The following RFFL variants were observed in gnomAD, a reference collection of about 807,000 sequenced individuals.
RFFL encodes the protein ring finger and FYVE like domain containing E3 ubiquitin protein ligase.
RFFL carries 16 observed loss-of-function variants against 40.4 expected under a neutral mutation model. The observed-to-expected ratio is 0.40, with a 90% CI of 0.27 to 0.60. The LOEUF is 0.60. Among genes scored for constraint, RFFL ranks in the 20% least tolerant of loss-of-function variants. RFFL has a pLI of 0.47. For synonymous variants in RFFL, 154 were observed against 167.9 expected (o/e 0.92, Z 0.64); for missense variants, 367 against 451.7 (o/e 0.81, Z 1.70).
chr17:35,037,235 G>A (rs1010521611), intron 1 of RFFL, among the ~76,000 whole-genome samples: 4 of 152,192 alleles, frequency 2.6e-5, no homozygotes, highest in Middle Eastern at 3.2e-3. Flanking sequence ...ACAGAATCAT[G>A]TCCAGTTTAT....
chr17:35,027,750 G>A (rs1191898273), intron 1 of RFFL, among the ~76,000 whole-genome samples: 1 of 146,636 alleles, frequency 6.8e-6, no homozygotes, highest in Non-Finnish European at 1.5e-5. Flanking sequence ...AAAAAGTGTT[G>A]GGCCAGGTGC....
rs543083857 is a variant in RFFL at position 35,073,128 on chromosome 17, A to G, written c.-9+15977T>C. ...AGGCAAAATGTTTATAAAGTATAGC[A>G]TGTTTCATACTATTTTGCAGTCTCT... On this transcript the variant is annotated intron_variant, in intron 1 of 6. Transcript: ENST00000315249. Among the ~76,000 whole-genome samples, 15 of 152,252 alleles carry G rather than the reference A, an allele frequency of 9.9e-5. No individual in the cohort carries two copies. The East Asian group carries it at 2.9e-3, about 29-fold the overall frequency.
Position 35,038,985 on chromosome 17 carries a change from T to C in RFFL, c.-8-12424A>G, listed in dbSNP as rs935947369. 4.6e-5 allele frequency among the ~76,000 whole-genome samples: 7 copies of C among 152,334 alleles called. No individual in the cohort carries two copies. In the East Asian group the frequency reaches 5.8e-4, roughly 13 times the overall value. On this transcript the variant is annotated intron_variant, in intron 1 of 6. Coordinates refer to ENST00000394597, the MANE Select transcript of RFFL (RefSeq NM_001017368.2). ...GTGCAGTGTTGCGACCATGGCTCAC[T>C]GTAACCTGGACCTCCCAGGCTTACG...
chr17:35,036,094 A>G (rs954163006), intron 1 of RFFL, among the ~76,000 whole-genome samples: 3 of 152,184 alleles, frequency 2.0e-5, no homozygotes, highest in African/African-American at 4.8e-5. Flanking sequence ...CCCTAACCCT[A>G]AATAACAACT....
intron 1 of RFFL, among the ~76,000 whole-genome samples, chr17:35,035,360 A>T (rs1380693662): frequency 6.6e-6 from 1 of 151,484 alleles, no homozygotes; most frequent in Non-Finnish European, 1.5e-5. Flanking sequence ...AGTGAGCTGA[A>T]ATTGCACCAC....
intron 1 of RFFL, among the ~76,000 whole-genome samples, chr17:35,049,164 G>T (rs1442752501): frequency 6.6e-6 from 1 of 152,150 alleles, no homozygotes; most frequent in African/African-American, 2.4e-5. Flanking sequence ...ATAGCAGAAA[G>T]GCATGTTGTT....
chr17:35,026,315 G>A, intron 2 of RFFL, 59 bp downstream of exon 2: 1 of 1,551,646 alleles, frequency 6.4e-7, no homozygotes, highest in Non-Finnish European at 8.8e-7. Flanking sequence ...GGGGTCAGTG[G>A]CGCTTGCCCA....
chr17:35,009,491 G>T lies in RFFL; in HGVS notation c.*2477C>A, dbSNP rs901907018. ...TGAGGGGCAGAAGGGAGGATTCAAAGATTTAAAAAAAATCAAATTTTAGAC... is the reference window on the plus strand; with the variant it reads ...TGAGGGGCAGAAGGGAGGATTCAAATATTTAAAAAAAATCAAATTTTAGAC... On this transcript the variant is annotated 3_prime_UTR_variant, in exon 7 of 7. Coordinates refer to ENST00000394597, the MANE Select transcript of RFFL (RefSeq NM_001017368.2). 1.3e-5 allele frequency: 2 copies of T among 150,388 alleles called. No homozygotes were observed. The highest frequency in any genetic ancestry group is 2.1e-4 in the South Asian group (1 of 4,774). 9.3% of individuals were successfully genotyped at this position (150,388 alleles called of 1,614,324 possible). A position where few individuals can be genotyped will look rare whatever the true frequency, so the allele number is the denominator to read the frequency against.
intron 1 of RFFL, among the ~76,000 whole-genome samples, chr17:35,074,976 T>C (rs896427867): frequency 1.3e-5 from 2 of 152,176 alleles, no homozygotes; most frequent in South Asian, 2.1e-4. Flanking sequence ...ACAATTTCAA[T>C]AGGAAAGGGG....
At chr17:35,059,411 G>A (rs2091279671) in intron 1 of RFFL, among the ~76,000 whole-genome samples, 1 of 152,154 alleles carries the variant, frequency 6.6e-6, no homozygotes, top group Non-Finnish European at 1.5e-5. Flanking sequence ...CAAAGGTACA[G>A]ACATGTGCAG....
intron 1 of RFFL, among the ~76,000 whole-genome samples, chr17:35,078,421 G>A (rs924102742): frequency 3.9e-5 from 6 of 152,168 alleles, no homozygotes; most frequent in African/African-American, 1.4e-4. Flanking sequence ...TCCCAACTCA[G>A]ACTCCTGAGT....
chr17:35,066,072 G>A (rs755814912), upstream of RFFL, among the ~76,000 whole-genome samples: 3 of 152,162 alleles, frequency 2.0e-5, no homozygotes, highest in Non-Finnish European at 4.4e-5. Context: ...TTGCAGAGCC[G>A]AGATTGCGCC....
upstream of RFFL, among the ~76,000 whole-genome samples, chr17:35,065,697 T>C (rs533895122): frequency 1.1e-4 from 17 of 151,994 alleles, no homozygotes; most frequent in Non-Finnish European, 2.4e-4. Flanking sequence ...ATTGAGCAAG[T>C]GAACAGAGCT....
rs183121329 is a variant in RFFL, at chr17:35,041,846, G to A, written c.-8-15285C>T. ...AGCCTAGACAACATGGTGAAACCCC[G>A]TCTCTACTAAAAACACAAAAATTAG... On this transcript the variant is annotated intron_variant, in intron 1 of 6. Coordinates refer to ENST00000394597, the MANE Select transcript of RFFL (RefSeq NM_001017368.2). Among the ~76,000 whole-genome samples, 93 of 152,018 alleles carry A rather than the reference G, an allele frequency of 6.1e-4. 3 individuals carry two copies. In the East Asian group the frequency reaches 9.5e-3, roughly 15 times the overall value.
rs1446740397 is a variant in RFFL, at chr17:35,008,327, T to G, written c.*3641A>C. On this transcript the variant is annotated 3_prime_UTR_variant, in exon 7 of 7. Coordinates refer to ENST00000394597, the MANE Select transcript of RFFL (RefSeq NM_001017368.2). Reference sequence around the variant, plus strand: ...ACATTTGTGGTCTTGAGCAAGTTAGTTAGTTACAACAACACTGAGCATCTT... The same window carrying G: ...ACATTTGTGGTCTTGAGCAAGTTAGGTAGTTACAACAACACTGAGCATCTT... 1 of 152,236 alleles carries G rather than the reference T, an allele frequency of 6.6e-6. No individual in the cohort carries two copies. Among genetic ancestry groups the G allele is most frequent in the Non-Finnish European group, 1.5e-5 (1 of 68,054 alleles). 9.4% of individuals were successfully genotyped at this position (152,236 alleles called of 1,614,324 possible).
rs539480861 is a variant in RFFL, at chr17:35,054,532, A to C, written c.-9+9044T>G. 4.6e-5 allele frequency among the ~76,000 whole-genome samples: 7 copies of C among 152,178 alleles called. No individual in the cohort carries two copies. The South Asian group carries it at 1.5e-3, about 32-fold the overall frequency. On this transcript the variant is annotated intron_variant, in intron 1 of 6. Transcript: ENST00000394597. ...TTACTGAACTCTTACTCTATCTTTTATCTTCCCCTCCCTCCCCCACCTCTC... is the reference window on the plus strand; with the variant it reads ...TTACTGAACTCTTACTCTATCTTTTCTCTTCCCCTCCCTCCCCCACCTCTC...
At chr17:35,034,166 A>G (rs1239616923) in intron 1 of RFFL, among the ~76,000 whole-genome samples, 2 of 151,228 alleles carry the variant, frequency 1.3e-5, no homozygotes, top group Non-Finnish European at 2.9e-5. Context: ...ATAAAATAAT[A>G]ATAATAATAA....
intron 5 of RFFL, 24 bp downstream of exon 5, chr17:35,016,346 G>C (rs1373771575): frequency 6.2e-7 from 1 of 1,604,636 alleles, no homozygotes; most frequent in Admixed American, 1.7e-5. Flanking sequence ...GCTCTGTAAA[G>C]CTACCATGCA....
chr17:35,041,791 C>A (rs911799690), intron 1 of RFFL, among the ~76,000 whole-genome samples: 3 of 152,016 alleles, frequency 2.0e-5, no homozygotes, highest in Non-Finnish European at 4.4e-5. Flanking sequence ...CCAAGGCAGG[C>A]GGATCAGTTG....
Sources: gnomAD v4.1 joint callset for allele counts (sites outside exome capture counted in the v4.1 genomes callset) on GRCh38, gnomAD v4.1.1 for gene constraint, MANE v1.5 for transcripts, NCBI Gene and HGNC (gene_info 2026-07-23, HGNC 2026-07-21) for gene names.